The following ATAD2B variants were observed in gnomAD, a reference collection of about 807,000 sequenced individuals.
The protein encoded by ATAD2B is ATPase family AAA domain-containing protein 2B.
ATAD2B carries 40 observed loss-of-function variants against 167.6 expected under a neutral mutation model. That is an observed-to-expected ratio of 0.24 (90% CI 0.19 to 0.31). The LOEUF is 0.31. Among genes scored for constraint, ATAD2B ranks in the 10% least tolerant of loss-of-function variants. ATAD2B has a pLI of 1.00. For missense variants in ATAD2B, 1,242 were observed against 1,757.2 expected, an observed-to-expected ratio of 0.71 and a Z score of 5.24; for synonymous variants, 579 against 596.5, an observed-to-expected ratio of 0.97 and a Z score of 0.43.
intron 17 of ATAD2B, among the ~76,000 whole-genome samples, chr2:23,819,398 C>A (rs75542169): frequency 6.6e-6 from 1 of 150,428 alleles, no homozygotes; most frequent in Non-Finnish European, 1.5e-5. Flanking sequence ...GGCTGAGGTA[C>A]GAGAATAGCT....
chr2:23,824,059 C>T (rs745504346), intron 15 of ATAD2B, among the ~76,000 whole-genome samples: 7 of 152,204 alleles, frequency 4.6e-5, no homozygotes, highest in Non-Finnish European at 8.8e-5. Flanking sequence ...AGTGGTTCTC[C>T]CACTTCAGCC....
chr2:23,683,927 T>A, the ATAD2B span, among the ~76,000 whole-genome samples: 1 of 152,206 alleles, frequency 6.6e-6, no homozygotes, highest in Non-Finnish European at 1.5e-5. Context: ...TTTTGCAGGT[T>A]TTGTGGTTGT....
intron 13 of ATAD2B, 44 bp from the exon 14 acceptor site, chr2:23,834,122 T>G: frequency 1.2e-6 from 1 of 834,732 alleles, no homozygotes. Flanking sequence ...TTGTAAACAC[T>G]GCTGCTTACA....
In ATAD2B at chr2:23,814,231, A is replaced by T. The variant is rs532776030; in HGVS notation, c.2268-3729T>A. ...AAAGGACGTAAAACAAGACAATTCA[A>T]AGAGAAAATAGAAATAGGAAACTTT... On this transcript the variant is annotated intron_variant, in intron 17 of 27. Transcript: ENST00000238789. Among the ~76,000 whole-genome samples, 24 of 152,342 alleles carry T rather than the reference A, an allele frequency of 1.6e-4. No homozygotes were observed. In the South Asian group the frequency reaches 5.0e-3, roughly 32 times the overall value.
chr2:23,896,105 C>T, intron 1 of ATAD2B, 135 bp from the exon 2 acceptor site: 1 of 512,770 alleles, frequency 2.0e-6, no homozygotes, highest in Non-Finnish European at 3.3e-6. Flanking sequence ...CACTTGAGGT[C>T]AGGAGTTCAA....
At chr2:23,826,460 A>T (rs1688274555) in intron 15 of ATAD2B, among the ~76,000 whole-genome samples, 1 of 152,232 alleles carries the variant, frequency 6.6e-6, no homozygotes, top group African/African-American at 2.4e-5. Flanking sequence ...AATTATAAAC[A>T]TCCCTTTCAT....
At chr2:23,906,108 G>A (rs944637988) in intron 1 of ATAD2B, among the ~76,000 whole-genome samples, 5 of 152,062 alleles carry the variant, frequency 3.3e-5, no homozygotes, top group Non-Finnish European at 5.9e-5. Context: ...AAGCAGAGGC[G>A]GGCAGATCAG....
At chr2:23,776,930 T>C (rs1012041743) in intron 22 of ATAD2B, among the ~76,000 whole-genome samples, 1 of 152,210 alleles carries the variant, frequency 6.6e-6, no homozygotes, top group South Asian at 2.1e-4. Context: ...TAAATTTATA[T>C]GTGGAAGGCT....
chr2:23,762,724 A>C (rs1676902306), intron 23 of ATAD2B, among the ~76,000 whole-genome samples: 1 of 152,212 alleles, frequency 6.6e-6, no homozygotes. Flanking sequence ...ACTAAACCCC[A>C]TTCCCGTGAA....
intron 25 of ATAD2B, among the ~76,000 whole-genome samples, chr2:23,756,123 TA>T (rs1400811074): frequency 3.3e-5 from 5 of 152,180 alleles, no homozygotes; most frequent in Non-Finnish European, 2.9e-5. Flanking sequence ...TTCGGCCTCA[TA>T]CCAGATTCCT....
At chr2:23,890,925 T>C (rs899918640) in intron 2 of ATAD2B, among the ~76,000 whole-genome samples, 1 of 152,132 alleles carries the variant, frequency 6.6e-6, no homozygotes, top group African/African-American at 2.4e-5. Flanking sequence ...CTTATAGTCA[T>C]AGATTATTGT....
At chr2:23,896,263 T>TGCCGTGA (rs1475863215) in intron 1 of ATAD2B, among the ~76,000 whole-genome samples, 3 of 151,128 alleles carry the variant, frequency 2.0e-5, no homozygotes, top group Non-Finnish European at 4.4e-5. Flanking sequence ...AGGCGGAGGC[T>TGCCGTGA]GCCGTGAGCC....
chr2:23,736,958 C>T, the ATAD2B span, among the ~76,000 whole-genome samples: 2 of 152,224 alleles, frequency 1.3e-5, no homozygotes, highest in East Asian at 3.9e-4. Context: ...GCACAGCGGT[C>T]CCAGATCACA....
the ATAD2B span, among the ~76,000 whole-genome samples, chr2:23,710,036 C>A: frequency 6.6e-6 from 1 of 152,144 alleles, no homozygotes; most frequent in Non-Finnish European, 1.5e-5. Flanking sequence ...CCAAGTGAAA[C>A]CATCAGAGCT....
chr2:23,813,698 T>A (rs1685989466), intron 17 of ATAD2B, among the ~76,000 whole-genome samples: 1 of 152,044 alleles, frequency 6.6e-6, no homozygotes, highest in African/African-American at 2.4e-5. Context: ...TGAGCCATGA[T>A]GGTGCCACTG....
chr2:23,920,279 A>G (rs1703718423), intron 1 of ATAD2B, among the ~76,000 whole-genome samples: 1 of 152,234 alleles, frequency 6.6e-6, no homozygotes, highest in Admixed American at 6.5e-5. Context: ...CCACCAAAAC[A>G]TTCGACGAGT....
intron 14 of ATAD2B, 63 bp downstream of exon 14, chr2:23,833,856 G>A: frequency 7.8e-7 from 1 of 1,281,956 alleles, no homozygotes; most frequent in Admixed American, 2.5e-5. Context: ...ATCACCCTCA[G>A]AACATATGCC....
intron 5 of ATAD2B, among the ~76,000 whole-genome samples, 164 bp downstream of exon 5, chr2:23,885,563 G>A (rs564953557): frequency 2.6e-5 from 4 of 152,198 alleles, no homozygotes; most frequent in Non-Finnish European, 5.9e-5. Context: ...AGAGGAGAAT[G>A]AAGAAAAGAA....
At chr2:23,720,187 C>T in the ATAD2B span, among the ~76,000 whole-genome samples, 1 of 152,154 alleles carries the variant, frequency 6.6e-6, no homozygotes, top group Admixed American at 6.5e-5. Context: ...AGGGCAAAAA[C>T]AACAAATAAA....
Sources: gnomAD v4.1 joint callset for allele counts (sites outside exome capture counted in the v4.1 genomes callset) on GRCh38, gnomAD v4.1.1 for gene constraint, MANE v1.5 for transcripts, NCBI Gene and HGNC (gene_info 2026-07-23, HGNC 2026-07-21) for gene names.